C4orf50: variants seen among roughly 807,000 people sequenced by gnomAD.
C4orf50 encodes the protein chromosome 4 open reading frame 50.
A neutral mutation model predicts 77.2 loss-of-function variants in C4orf50; 80 were observed. The ratio of observed to expected loss-of-function variants is 1.04; its 90% CI spans 0.87 to 1.25. The LOEUF is 1.25. C4orf50 is among the 50% of genes most tolerant of loss of function. C4orf50 has a pLI of 0.00. For synonymous variants in C4orf50, 532 were observed against 465.3 expected, an observed-to-expected ratio of 1.14 and a Z score of -1.84; for missense variants, 1,257 against 1,152.9, an observed-to-expected ratio of 1.09 and a Z score of -1.31.
intron 31 of C4orf50, among the ~76,000 whole-genome samples, chr4:5,971,348 G>A (rs919347766): frequency 2.0e-5 from 3 of 152,218 alleles, no homozygotes; most frequent in Non-Finnish European, 2.9e-5. Flanking sequence ...CTGTCCACTA[G>A]GAATCAAGAT....
Position 5,993,376 on chromosome 4 carries a change from G to T in C4orf50, c.1094-446C>A, listed in dbSNP as rs142682729. ...GGTTGCATCAGTCAGCAGCACCACT[G>T]TGCTACACATATGGAGGATAATACC... On this transcript the variant is annotated intron_variant, in intron 26 of 33. Transcript: ENST00000531445. Among the ~76,000 whole-genome samples, 62 of 152,344 alleles carry T rather than the reference G, an allele frequency of 4.1e-4. 3 individuals carry two copies. In the East Asian group the frequency reaches 6.4e-3, roughly 16 times the overall value.
chr4:5,922,293 T>C, intron 7 of C4orf50, among the ~76,000 whole-genome samples: 2 of 152,206 alleles, frequency 1.3e-5, no homozygotes, highest in East Asian at 3.9e-4. Context: ...CCAGGAGGTG[T>C]GTCTTTCAAA....
At chr4:5,943,189 G>A (rs961555894) in intron 7 of C4orf50, among the ~76,000 whole-genome samples, 9 of 152,166 alleles carry the variant, frequency 5.9e-5, no homozygotes, top group East Asian at 1.9e-4. Context: ...AGCTGTTTCC[G>A]TGATGCTACG....
chr4:5,969,612 C>T (rs1414163805), intron 31 of C4orf50, among the ~76,000 whole-genome samples: 1 of 151,924 alleles, frequency 6.6e-6, no homozygotes, highest in Non-Finnish European at 1.5e-5. Flanking sequence ...CTTGAAGGTG[C>T]CCCAAAAGCT....
In C4orf50 at chr4:5,959,251, G is replaced by A. The variant is rs1719134250; in HGVS notation, c.*124C>T. ...ATGAACACAAAATCCCAAAGCCGAA[G>A]GCAAAACCACTTGCCACTAAATGAG... On this transcript the variant is annotated 3_prime_UTR_variant, in exon 34 of 34. Transcript: ENST00000531445. 16 of 1,192,380 alleles carry A rather than the reference G, an allele frequency of 1.3e-5. No individual in the cohort carries two copies. In the South Asian group the frequency reaches 2.3e-4, roughly 17 times the overall value. The allele number at this position is 1,192,380 out of a possible 1,614,324, so 73.9% of individuals were successfully genotyped here. A position where few individuals can be genotyped will look rare whatever the true frequency, so the allele number is the denominator to read the frequency against.
rs1405348909 is a variant in C4orf50 at position 5,970,455 on chromosome 4, G to C, written c.4105-2993C>G. 1.3e-5 allele frequency among the ~76,000 whole-genome samples: 2 copies of C among 152,164 alleles called. No individual in the cohort carries two copies. Among genetic ancestry groups the C allele is most frequent in the Non-Finnish European group, 2.9e-5 (2 of 68,028 alleles). The stretch of plus-strand genomic sequence containing the variant: ...GCACCTGAGCTGGACAGAATCAGCA[G>C]AGTAGGAGGAGGGAAGCCAGGGCGG... On this transcript the variant is annotated intron_variant, in intron 31 of 33. Transcript: ENST00000531445. The surrounding 1 kb of genome is among the most constrained non-coding windows in gnomAD (Gnocchi z 4.3).
At chr4:5,938,028 T>G (rs559119777) in intron 7 of C4orf50, among the ~76,000 whole-genome samples, 1 of 152,246 alleles carries the variant, frequency 6.6e-6, no homozygotes, top group South Asian at 2.1e-4. Context: ...AATGTACCAA[T>G]GAGGAATCAA....
intron 29 of C4orf50, among the ~76,000 whole-genome samples, chr4:5,979,452 C>T (rs535381399): frequency 6.6e-6 from 1 of 152,120 alleles, no homozygotes; most frequent in Non-Finnish European, 1.5e-5. Context: ...TGGTTTTGTA[C>T]AGTATAATTT....
At chr4:5,973,292 T>C (rs749473251) in intron 31 of C4orf50, among the ~76,000 whole-genome samples, 10 of 152,054 alleles carry the variant, frequency 6.6e-5, no homozygotes, top group South Asian at 4.1e-4. Context: ...GGACAGGAGG[T>C]CATGGGGTGA....
chr4:5,980,433 T>G, intron 28 of C4orf50, 95 bp from the exon 7 acceptor site: 1 of 1,003,818 alleles, frequency 1.0e-6, no homozygotes, highest in Non-Finnish European at 1.3e-6. Flanking sequence ...ACTCCGTAGT[T>G]TTTTTTTTTG....
At chr4:5,995,563 T>C (rs1425198274) in intron 25 of C4orf50, among the ~76,000 whole-genome samples, 1 of 151,410 alleles carries the variant, frequency 6.6e-6, no homozygotes, top group Non-Finnish European at 1.5e-5. Context: ...ACAGGTCTCC[T>C]CTGGGTTCCC....
In C4orf50 at chr4:6,008,957, T is replaced by C. The variant is rs553865252; in HGVS notation, c.427-425A>G. ...GAACTGCCCAGAGATCCCCACTTCCTACCTACAGGGTCAATGCTTGGCCCA... is the reference window on the plus strand; with the variant it reads ...GAACTGCCCAGAGATCCCCACTTCCCACCTACAGGGTCAATGCTTGGCCCA... On this transcript the variant is annotated intron_variant, in intron 24 of 33. Coordinates refer to ENST00000531445, the Ensembl canonical transcript of C4orf50. The surrounding 1 kb of genome is among the most constrained non-coding windows in gnomAD (Gnocchi z 6.0). Among the ~76,000 whole-genome samples the C allele has an allele frequency of 9.8e-5, 15 of 152,306 alleles. No individual in the cohort carries two copies. Among genetic ancestry groups the C allele is most frequent in the African/African-American group, 3.6e-4 (15 of 41,582 alleles).
intron 7 of C4orf50, among the ~76,000 whole-genome samples, chr4:5,914,455 C>A (rs936012439): frequency 6.6e-6 from 1 of 152,038 alleles, no homozygotes; most frequent in African/African-American, 2.4e-5. Flanking sequence ...CCACCCGCCT[C>A]GGCCTCCCAA....
intron 28 of C4orf50, among the ~76,000 whole-genome samples, chr4:5,981,491 G>A (rs564458306): frequency 1.4e-5 from 2 of 144,292 alleles, no homozygotes; most frequent in Non-Finnish European, 3.0e-5. Flanking sequence ...CGCAACCTCC[G>A]CCTCCCAGGT....
intron 7 of C4orf50, among the ~76,000 whole-genome samples, chr4:5,911,094 A>G (rs1308765895): frequency 6.6e-6 from 1 of 151,924 alleles, no homozygotes; most frequent in Non-Finnish European, 1.5e-5. Flanking sequence ...ATTTTTTACT[A>G]GAGACAGGGT....
At chr4:5,957,740 T>G (rs1719048787) in exon 34 of C4orf50, 1 of 152,192 alleles carries the variant, frequency 6.6e-6, no homozygotes, top group Non-Finnish European at 1.5e-5. Flanking sequence ...CATGGATGAA[T>G]GTGCTAACCC....
chr4:5,926,175 G>T (rs561368129), intron 7 of C4orf50, among the ~76,000 whole-genome samples: 1 of 152,314 alleles, frequency 6.6e-6, no homozygotes, highest in Admixed American at 6.5e-5. Flanking sequence ...GTCAAAAAAT[G>T]GAGACAACCA....
At chr4:5,990,134 C>T in exon 28 of C4orf50, 1 of 1,268,258 alleles carries the variant, frequency 7.9e-7, no homozygotes, top group Non-Finnish European at 9.9e-7. Context: ...GATTCGGGAC[C>T]CTCCTTTGAT....
Position 5,989,019 on chromosome 4 carries a change from C to T in C4orf50, c.3027G>A (p.Lys1009=), listed in dbSNP as rs1330996166. Residue 1009 remains lysine, a synonymous_variant, in exon 28 of 34, where the codon AAG becomes AAA. Transcript: ENST00000531445. ...CAAGCTCCAAAATTTTGCAGTAACT[C>T]TTCCCATTGCAGTCTTCAAGGTCAG... is the stretch of plus-strand genomic sequence containing the variant. 2.0e-6 allele frequency: 3 copies of T among 1,536,078 alleles called. No individual in the cohort carries two copies. The South Asian group carries it at 3.6e-5, about 18-fold the overall frequency.
Sources: gnomAD v4.1 joint callset for allele counts (sites outside exome capture counted in the v4.1 genomes callset) on GRCh38, gnomAD v4.1.1 for gene constraint, Gnocchi (gnomAD v3.1) non-coding constraint, MANE v1.5 for transcripts, NCBI Gene and HGNC (gene_info 2026-07-23, HGNC 2026-07-21) for gene names.